Variants in ERP44 observed in about 807,000 individuals in gnomAD.
ERP44 encodes endoplasmic reticulum protein 44.
In ERP44, 25 loss-of-function variants were observed where a neutral mutation model predicts 53.4. That is an observed-to-expected ratio of 0.47 (90% CI 0.34 to 0.65). ERP44 has a LOEUF of 0.65. Ranked by LOEUF, ERP44 falls within the 30% of genes least tolerant of loss-of-function variation. The probability of loss-of-function intolerance (pLI) is 0.01; values close to 1 mark genes in which losing one functional copy is unlikely to be tolerated. For missense variants in ERP44, 338 were observed against 493.2 expected (o/e 0.69, Z 2.98); for synonymous variants, 145 against 161.2 (o/e 0.90, Z 0.76).
At chr9:100,074,938 C>T (rs151025551) in intron 1 of ERP44, among the ~76,000 whole-genome samples, 2 of 152,192 alleles carry the variant, frequency 1.3e-5, no homozygotes, top group Non-Finnish European at 2.9e-5. Flanking sequence ...CAGAGACACA[C>T]TTAGCAGCTG....
At chr9:100,097,744 A>C (rs1826660191) in intron 1 of ERP44, among the ~76,000 whole-genome samples, 1 of 152,220 alleles carries the variant, frequency 6.6e-6, no homozygotes, top group Non-Finnish European at 1.5e-5. Flanking sequence ...CAAATATTAA[A>C]CATTTAATGG....
chr9:100,077,747 G>T (rs1412794065), intron 1 of ERP44, among the ~76,000 whole-genome samples: 2 of 152,222 alleles, frequency 1.3e-5, no homozygotes, highest in Non-Finnish European at 1.5e-5. Context: ...GTACAGTGTT[G>T]GCTGGGGTGA....
chr9:100,017,197 C>G (rs1830533363), intron 7 of ERP44, among the ~76,000 whole-genome samples: 9 of 152,180 alleles, frequency 5.9e-5, no homozygotes, highest in Admixed American at 5.9e-4. Flanking sequence ...AGTAAACTTA[C>G]TGGGTCTAGG....
intron 10 of ERP44, among the ~76,000 whole-genome samples, chr9:99,989,653 GCTC>G (rs1184981841): frequency 3.3e-4 from 50 of 152,320 alleles, no homozygotes; most frequent in Admixed American, 1.2e-3. Flanking sequence ...AAGGATCACA[GCTC>G]CTCGCCAGCA....
chr9:100,013,878 A>T (rs1030444423), intron 8 of ERP44, among the ~76,000 whole-genome samples: 1 of 152,236 alleles, frequency 6.6e-6, no homozygotes, highest in Non-Finnish European at 1.5e-5. Context: ...CGGTAGTCAA[A>T]ATCTGGAAGC....
chr9:100,000,748 CT>C (rs1209919659), intron 10 of ERP44, among the ~76,000 whole-genome samples: 1 of 151,878 alleles, frequency 6.6e-6, no homozygotes, highest in African/African-American at 2.4e-5. Context: ...TTTTTTGAGA[CT>C]TCTCTCTTTA....
chr9:100,034,859 A>G (rs186465546), intron 4 of ERP44, among the ~76,000 whole-genome samples: 34 of 152,326 alleles, frequency 2.2e-4, no homozygotes, highest in African/African-American at 7.9e-4. Flanking sequence ...ACAGTAAGAT[A>G]CCAGTACAAA....
intron 1 of ERP44, among the ~76,000 whole-genome samples, chr9:100,079,647 G>A (rs1160030104): frequency 6.6e-6 from 1 of 152,032 alleles, no homozygotes; most frequent in East Asian, 1.9e-4. Context: ...AAAGAGCACT[G>A]GAAAATAGAA....
At chr9:100,027,544 G>C (rs1166212211) in intron 4 of ERP44, among the ~76,000 whole-genome samples, 1 of 152,008 alleles carries the variant, frequency 6.6e-6, no homozygotes, top group Non-Finnish European at 1.5e-5. Context: ...ATAATAAATG[G>C]GTTTTTAAAA....
intron 10 of ERP44, among the ~76,000 whole-genome samples, chr9:99,995,480 C>G (rs1242583270): frequency 6.6e-6 from 1 of 152,072 alleles, no homozygotes; most frequent in Admixed American, 6.5e-5. Context: ...TTTATAGATG[C>G]CCTTTGAAAG....
chr9:100,061,491 AATAT>A (rs1325012331), intron 1 of ERP44, among the ~76,000 whole-genome samples: 1 of 147,396 alleles, frequency 6.8e-6, no homozygotes, highest in Non-Finnish European at 1.5e-5. Context: ...AATATGTATA[AATAT>A]ATATTTATAG....
At chr9:100,038,860 C>A (rs961437757) in intron 4 of ERP44, among the ~76,000 whole-genome samples, 4 of 152,030 alleles carry the variant, frequency 2.6e-5, no homozygotes, top group Admixed American at 6.6e-5. Flanking sequence ...ATACTTATAT[C>A]AGACAAAATA....
At chr9:100,066,786 T>C (rs568645126) in intron 1 of ERP44, among the ~76,000 whole-genome samples, 1 of 152,274 alleles carries the variant, frequency 6.6e-6, no homozygotes, top group South Asian at 2.1e-4. Context: ...AGGTTTCCAG[T>C]TGGCTTCAAG....
At chr9:99,985,740 C>T (rs1307868498) in intron 10 of ERP44, among the ~76,000 whole-genome samples, 1 of 152,162 alleles carries the variant, frequency 6.6e-6, no homozygotes, top group Non-Finnish European at 1.5e-5. Flanking sequence ...CAAATGTCTT[C>T]ATAATGTCTT....
intron 3 of ERP44, among the ~76,000 whole-genome samples, chr9:100,053,839 T>C (rs906635033): frequency 1.3e-5 from 2 of 152,186 alleles, no homozygotes; most frequent in African/African-American, 4.8e-5. Flanking sequence ...CAAACTACAA[T>C]TGCTACTGTT....
chr9:100,052,607 G>A, intron 3 of ERP44, 75 bp from the exon 4 acceptor site: 1 of 666,030 alleles, frequency 1.5e-6, no homozygotes, highest in Non-Finnish European at 2.6e-6. Flanking sequence ...ATTGCCCACT[G>A]ACATTTGATA....
intron 1 of ERP44, among the ~76,000 whole-genome samples, chr9:100,067,883 GC>G (rs1335676754): frequency 7.0e-6 from 1 of 143,868 alleles, no homozygotes; most frequent in Non-Finnish European, 1.5e-5. Flanking sequence ...CCCGGCAGCC[GC>G]CCCGCCTGAG....
In ERP44 at chr9:100,085,373, T is replaced by C. The variant is rs143500968; in HGVS notation, c.57+13411A>G. Among the ~76,000 whole-genome samples the C allele has an allele frequency of 2.7e-3, 414 of 152,332 alleles. 2 individuals carry two copies. Among genetic ancestry groups the C allele is most frequent in the South Asian group, 0.014 (70 of 4,832 alleles). Reference sequence around the variant, plus strand: ...AACAGGTTCTCACCAAATACCTTCATTACAGTATCTAAACTTAAATAGATT... The same window carrying C: ...AACAGGTTCTCACCAAATACCTTCACTACAGTATCTAAACTTAAATAGATT... On this transcript the variant is annotated intron_variant, in intron 1 of 11. Coordinates refer to ENST00000262455, the MANE Select transcript of ERP44 (RefSeq NM_015051.3).
intron 4 of ERP44, among the ~76,000 whole-genome samples, chr9:100,030,278 C>G (rs1371683056): frequency 6.6e-6 from 1 of 152,102 alleles, no homozygotes; most frequent in Non-Finnish European, 1.5e-5. Context: ...GATCAGGACT[C>G]CTTTCTGGTA....
Sources: allele counts gnomAD v4.1 joint callset (sites outside exome capture counted in the v4.1 genomes callset), GRCh38; gene constraint gnomAD v4.1.1; transcripts MANE v1.5; gene names NCBI Gene and HGNC (gene_info 2026-07-23, HGNC 2026-07-21).